Variants in F13B observed in about 807,000 individuals in gnomAD.
F13B encodes coagulation factor XIII B chain.
A neutral mutation model predicts 79.8 loss-of-function variants in F13B; 58 were observed. The ratio of observed to expected loss-of-function variants is 0.73; its 90% CI spans 0.59 to 0.90. The LOEUF (loss-of-function observed/expected upper bound fraction) is 0.90. Ranked by LOEUF, F13B falls within the 40% of genes least tolerant of loss-of-function variation. The probability of loss-of-function intolerance (pLI) is 0.00; values close to 1 mark genes in which losing one functional copy is unlikely to be tolerated. For synonymous variants in F13B, 283 were observed against 260.3 expected (o/e 1.09, Z -0.84); for missense variants, 773 against 777.0 (o/e 0.99, Z 0.06).
rs1461292857 is a variant in F13B, at chr1:197,039,019, A to AAT, written c.*357_*358dup. Among the ~76,000 whole-genome samples, 1 of 152,114 alleles carries AAT rather than the reference A, an allele frequency of 6.6e-6. No individual in the cohort carries two copies. The highest frequency in any genetic ancestry group is 1.5e-5 in the Non-Finnish European group (1 of 68,006). On this transcript the variant is annotated 3_prime_UTR_variant, in exon 12 of 12. Transcript: ENST00000367412. ...TTGAATTAAGGGTAACAAAAGCCTTAATATTAATAAAGATGATGACGAATG... is the reference window on the plus strand; with the variant it reads ...TTGAATTAAGGGTAACAAAAGCCTTAATATATTAATAAAGATGATGACGAATG...
At chr1:197,066,718 A>G (rs1402272311) in intron 1 of F13B, among the ~76,000 whole-genome samples, 1 of 152,186 alleles carries the variant, frequency 6.6e-6, no homozygotes, top group Non-Finnish European at 1.5e-5. Context: ...CTCAAAAGTA[A>G]AAAATATTTA....
At chr1:197,039,871 C>T (rs1654972557) in intron 11 of F13B, among the ~76,000 whole-genome samples, 1 of 151,906 alleles carries the variant, frequency 6.6e-6, no homozygotes, top group African/African-American at 2.4e-5. Flanking sequence ...TGCACTTTGC[C>T]ACTACTTATA....
At chr1:197,053,221 C>T (rs939979598) in intron 8 of F13B, among the ~76,000 whole-genome samples, 3 of 152,172 alleles carry the variant, frequency 2.0e-5, no homozygotes, top group South Asian at 2.1e-4. Flanking sequence ...CTGGGAGAAA[C>T]ACCTACAATA....
chr1:197,043,310 T>C (rs563680334), intron 10 of F13B, among the ~76,000 whole-genome samples: 9 of 152,280 alleles, frequency 5.9e-5, no homozygotes, highest in African/African-American at 1.7e-4. Context: ...TTATTTCTAA[T>C]TGTATTAAAA....
intron 7 of F13B, among the ~76,000 whole-genome samples, chr1:197,056,564 T>C (rs1274728323): frequency 6.6e-6 from 1 of 152,016 alleles, no homozygotes; most frequent in South Asian, 2.1e-4. Context: ...ATGCAAAATA[T>C]CAGCAGGACT....
At chr1:197,039,603 T>C (rs909849721) in intron 11 of F13B, among the ~76,000 whole-genome samples, 192 bp from the exon 12 acceptor site, 2 of 152,082 alleles carry the variant, frequency 1.3e-5, no homozygotes, top group Non-Finnish European at 2.9e-5. Context: ...ACTACACTAC[T>C]CATGATTTTT....
At chr1:197,040,763 A>C (rs1655012020) in intron 10 of F13B, 28 bp from the exon 11 acceptor site, 3 of 1,528,294 alleles carry the variant, frequency 2.0e-6, no homozygotes, top group African/African-American at 2.8e-5. Context: ...AAAAAAAAGA[A>C]AGAAAAAGAA....
intron 10 of F13B, among the ~76,000 whole-genome samples, chr1:197,044,304 C>T (rs1017763721): frequency 2.0e-5 from 3 of 151,964 alleles, no homozygotes; most frequent in Admixed American, 1.3e-4. Flanking sequence ...ACCTGTGACA[C>T]GACAGCGTTA....
At chr1:197,061,728 A>G in intron 3 of F13B, 56 bp downstream of exon 3, 2 of 1,406,170 alleles carry the variant, frequency 1.4e-6, no homozygotes, top group South Asian at 1.2e-5. Context: ...GCTTCAATAT[A>G]TTCAATATAA....
In F13B at chr1:197,062,945, G is replaced by C. The variant is rs774579966; in HGVS notation, c.177C>G (p.Cys59Trp). 2 of 1,613,732 alleles carry C rather than the reference G, an allele frequency of 1.2e-6. No homozygotes were observed. The highest frequency in any genetic ancestry group is 4.5e-5 in the East Asian group (2 of 44,870). The change falls in exon 2 of 12, where the codon TGC becomes TGG. Residue 59 changes from cysteine to tryptophan, a missense_variant. By Grantham distance (215) the Cys-to-Trp change is radical. Coordinates refer to ENST00000367412, the MANE Select transcript of F13B (RefSeq NM_001994.3). ...CACTTTCAGTGGTATAACCAGCCAAGCAGAAAAATGACAATTTTTTGTCTA... is the reference window on the plus strand; with the variant it reads ...CACTTTCAGTGGTATAACCAGCCAACCAGAAAAATGACAATTTTTTGTCTA... ...MSIDKKLSFF[C>W]LAGYTTESGR...
At chr1:197,046,811 G>A (rs539361739) in intron 10 of F13B, among the ~76,000 whole-genome samples, 1 of 152,212 alleles carries the variant, frequency 6.6e-6, no homozygotes, top group Non-Finnish European at 1.5e-5. Flanking sequence ...TACCAAAACA[G>A]ATATATAGAC....
At chr1:197,042,392 T>G (rs1655066521) in intron 10 of F13B, among the ~76,000 whole-genome samples, 1 of 152,026 alleles carries the variant, frequency 6.6e-6, no homozygotes, top group Non-Finnish European at 1.5e-5. Context: ...ACAGAGGAGA[T>G]TATATCAAAC....
In F13B at chr1:197,062,843, T is replaced by C. The variant is rs928064447; in HGVS notation, c.265+14A>G. On this transcript the variant is annotated intron_variant, in intron 2 of 11. Transcript: ENST00000367412. The stretch of plus-strand genomic sequence containing the variant: ...GAGTATTGAAACATTGAGTGACATA[T>C]CCAGCTGACTTACTGAAGCACCTTG... 5.6e-6 allele frequency: 9 copies of C among 1,613,062 alleles called. No homozygotes were observed. Among genetic ancestry groups the C allele is most frequent in the Non-Finnish European group, 7.6e-6 (9 of 1,179,094 alleles).
intron 5 of F13B, among the ~76,000 whole-genome samples, chr1:197,059,419 C>G (rs1366669066): frequency 6.6e-6 from 1 of 152,100 alleles, no homozygotes; most frequent in Non-Finnish European, 1.5e-5. Context: ...TTTGTTTCCC[C>G]TAGCACCTGT....
At chr1:197,063,190 T>G in intron 1 of F13B, 133 bp from the exon 2 acceptor site, 2 of 753,790 alleles carry the variant, frequency 2.7e-6, no homozygotes, top group South Asian at 1.7e-5. Flanking sequence ...CTTAAATTTT[T>G]AAGGTACTTT....
chr1:197,061,106 AC>A (rs1451658495), intron 3 of F13B, 31 bp from the exon 4 acceptor site: 6 of 1,111,426 alleles, frequency 5.4e-6, no homozygotes, highest in Middle Eastern at 2.6e-4. Context: ...TATTTTATAA[AC>A]TTTTTTAATA....
intron 5 of F13B, among the ~76,000 whole-genome samples, chr1:197,058,911 AGAG>A (rs1174650647): frequency 5.3e-5 from 8 of 152,158 alleles, no homozygotes; most frequent in South Asian, 4.1e-4. Context: ...CTAATTTGGA[AGAG>A]GAGAAGGGTA....
chr1:197,050,791 T>A lies in F13B; in HGVS notation c.1644A>T (p.Ser548=), dbSNP rs200450548. ...GGTGATCAAAACATCTGTATTCTACTGAAGAGCCATTTTCATAGGTGTCTA... is the reference window on the plus strand; with the variant it reads ...GGTGATCAAAACATCTGTATTCTACAGAAGAGCCATTTTCATAGGTGTCTA... ...STVDTYENGS[S]VEYRCFDHHF... The change falls in exon 10 of 12, where the codon TCA becomes TCT. Residue 548 remains serine (S), a synonymous_variant. Transcript: ENST00000367412. 1 of 1,613,460 alleles carries A rather than the reference T, an allele frequency of 6.2e-7. No individual in the cohort carries two copies. The highest frequency in any genetic ancestry group is 8.5e-7 in the Non-Finnish European group (1 of 1,179,646).
At chr1:197,048,787 T>C (rs984283853) in intron 10 of F13B, among the ~76,000 whole-genome samples, 10 of 150,916 alleles carry the variant, frequency 6.6e-5, no homozygotes, top group Admixed American at 2.0e-4. Context: ...CCAATTCACA[T>C]ATATAAAACA....
Sources: gnomAD v4.1 joint callset for allele counts (sites outside exome capture counted in the v4.1 genomes callset) on GRCh38, gnomAD v4.1.1 for gene constraint, MANE v1.5 for transcripts, NCBI Gene and HGNC (gene_info 2026-07-23, HGNC 2026-07-21) for gene names.